The following NSMCE2 variants were observed in gnomAD, a reference collection of about 807,000 sequenced individuals.
NSMCE2 encodes the protein NSE2 SUMO ligase component of SMC5/6 complex.
In NSMCE2, 24 loss-of-function variants were observed where a neutral mutation model predicts 23.8. The observed-to-expected ratio is 1.01, with a 90% CI of 0.73 to 1.42. The LOEUF (loss-of-function observed/expected upper bound fraction) is 1.42. NSMCE2 is among the 40% of genes most tolerant of loss of function. The pLI, the probability that NSMCE2 is intolerant of heterozygous loss-of-function variation, is 0.00. For synonymous variants in NSMCE2, 92 were observed against 94.1 expected, an observed-to-expected ratio of 0.98 and a Z score of 0.13; for missense variants, 284 against 296.5, an observed-to-expected ratio of 0.96 and a Z score of 0.31.
intron 5 of NSMCE2, 115 bp downstream of exon 5, chr8:125,182,371 A>G: frequency 1.2e-6 from 1 of 832,932 alleles, no homozygotes; most frequent in Non-Finnish European, 2.0e-6. Flanking sequence ...CTTGATCCTC[A>G]TTCTAAGTTG....
intron 4 of NSMCE2, among the ~76,000 whole-genome samples, chr8:125,180,654 TG>T (rs1391037124): frequency 3.3e-5 from 5 of 152,260 alleles, no homozygotes; most frequent in African/African-American, 1.2e-4. Context: ...GCATTACCTC[TG>T]ACTAGTTGGA....
In NSMCE2 at chr8:125,214,454, C is replaced by T. The variant is rs562602165; in HGVS notation, c.418+32198C>T. On this transcript the variant is annotated intron_variant, in intron 5 of 7. Transcript: ENST00000287437. ...AAGGAGGCTGAGTCATGGGGGCTCACGGTCTCAACAAGGAAATGGGTCACT... is the reference window on the plus strand; with the variant it reads ...AAGGAGGCTGAGTCATGGGGGCTCATGGTCTCAACAAGGAAATGGGTCACT... Among the ~76,000 whole-genome samples the T allele has an allele frequency of 5.3e-5, 8 of 152,290 alleles. No homozygotes were observed. In the South Asian group the frequency reaches 1.5e-3, roughly 28 times the overall value.
At chr8:125,265,818 T>C (rs1826886775) in intron 5 of NSMCE2, among the ~76,000 whole-genome samples, 1 of 152,222 alleles carries the variant, frequency 6.6e-6, no homozygotes. Flanking sequence ...TCCTTAGTTG[T>C]TTTTTAAATT....
intron 5 of NSMCE2, among the ~76,000 whole-genome samples, chr8:125,293,069 C>A (rs139023185): frequency 0.012 from 1,818 of 152,354 alleles, 8 homozygotes; most frequent in Non-Finnish European, 0.017. Context: ...ATGACAGTAG[C>A]TGTGCCCCAG....
intron 5 of NSMCE2, among the ~76,000 whole-genome samples, chr8:125,338,638 T>A (rs1156803949): frequency 6.6e-6 from 1 of 152,194 alleles, no homozygotes; most frequent in African/African-American, 2.4e-5. Context: ...ACAGCTAACA[T>A]CATGCAAGAT....
At chr8:125,202,955 CCTTTT>C (rs1462238769) in intron 5 of NSMCE2, among the ~76,000 whole-genome samples, 1 of 152,126 alleles carries the variant, frequency 6.6e-6, no homozygotes, top group Non-Finnish European at 1.5e-5. Context: ...GTTTTGACAA[CCTTTT>C]CTTGATAGGA....
intron 3 of NSMCE2, among the ~76,000 whole-genome samples, chr8:125,112,947 G>T (rs1458598632): frequency 2.0e-5 from 3 of 150,942 alleles, no homozygotes; most frequent in African/African-American, 7.3e-5. Context: ...CTAGCTTGAT[G>T]TAGCCATTCC....
rs1172219929 is a variant in NSMCE2, at chr8:125,316,773, C to CCT, written c.419-40446_419-40445insCT. 1.4e-3 allele frequency among the ~76,000 whole-genome samples: 109 copies of CCT among 77,374 alleles called. 1 individual carries two copies. Among genetic ancestry groups the CCT allele is most frequent in the African/African-American group, 8.4e-3 (97 of 11,568 alleles). The allele number at this position is 77,374 out of a possible 152,430, so 50.8% of individuals were successfully genotyped here. Reference sequence around the variant, plus strand: ...CTTCCTTCCTTCCTTCCTTCCTTCTCTCTCTCTCTTTCTTTCTTTCTTTCT... The same window carrying CCT: ...CTTCCTTCCTTCCTTCCTTCCTTCTCCTTCTCTCTCTTTCTTTCTTTCTTTCT... On this transcript the variant is annotated intron_variant, in intron 5 of 7. Coordinates refer to ENST00000287437, the MANE Select transcript of NSMCE2 (RefSeq NM_173685.4).
intron 5 of NSMCE2, among the ~76,000 whole-genome samples, chr8:125,227,567 A>C (rs55760846): frequency 0.13 from 20,512 of 152,112 alleles, 2,239 homozygotes; most frequent in African/African-American, 0.3. Flanking sequence ...ACATCATCTT[A>C]ATTGCAAATG....
intron 5 of NSMCE2, among the ~76,000 whole-genome samples, chr8:125,300,885 G>T (rs759619049): frequency 6.6e-6 from 1 of 152,130 alleles, no homozygotes; most frequent in African/African-American, 2.4e-5. Context: ...ATGGATGGAA[G>T]AACATTCCAC....
chr8:125,276,173 G>A (rs1401728376), intron 5 of NSMCE2, among the ~76,000 whole-genome samples: 1 of 152,128 alleles, frequency 6.6e-6, no homozygotes, highest in Non-Finnish European at 1.5e-5. Flanking sequence ...CACTCACATA[G>A]CACCCCAGCC....
intron 5 of NSMCE2, among the ~76,000 whole-genome samples, chr8:125,313,491 A>AGCTCCAAATTTGT (rs917014968): frequency 1.3e-5 from 2 of 152,232 alleles, no homozygotes; most frequent in African/African-American, 4.8e-5. Context: ...ACCAGCTGTA[A>AGCTCCAAATTTGT]GCTCCAAATT....
chr8:125,134,124 A>T (rs528075151), intron 3 of NSMCE2, among the ~76,000 whole-genome samples: 5 of 152,198 alleles, frequency 3.3e-5, no homozygotes, highest in Non-Finnish European at 7.3e-5. Flanking sequence ...TGGTGAGGGG[A>T]TTATACATTA....
At chr8:125,110,337 TTTTC>T (rs2130420842) in intron 3 of NSMCE2, among the ~76,000 whole-genome samples, 1 of 152,356 alleles carries the variant, frequency 6.6e-6, no homozygotes, top group South Asian at 2.1e-4. Context: ...TATATATTGC[TTTTC>T]TTTCTGTGAT....
At chr8:125,109,856 G>A (rs1027965113) in intron 3 of NSMCE2, among the ~76,000 whole-genome samples, 1 of 152,024 alleles carries the variant, frequency 6.6e-6, no homozygotes, top group Non-Finnish European at 1.5e-5. Flanking sequence ...TAAATTTGTC[G>A]ATATTCTAGT....
At chr8:125,311,181 C>T (rs1162951237) in intron 5 of NSMCE2, among the ~76,000 whole-genome samples, 1 of 152,164 alleles carries the variant, frequency 6.6e-6, no homozygotes, top group Non-Finnish European at 1.5e-5. Flanking sequence ...TGTGCACACA[C>T]AACTAGAAGC....
chr8:125,141,609 C>G (rs772125918), intron 3 of NSMCE2, among the ~76,000 whole-genome samples: 1 of 152,160 alleles, frequency 6.6e-6, no homozygotes. Flanking sequence ...CTCAGTGCTC[C>G]GTGAAGATTT....
At chr8:125,216,354 G>T (rs558394296) in intron 5 of NSMCE2, among the ~76,000 whole-genome samples, 1 of 152,254 alleles carries the variant, frequency 6.6e-6, no homozygotes, top group South Asian at 2.1e-4. Context: ...CAAATGATCT[G>T]TGGGTCCGGG....
intron 5 of NSMCE2, among the ~76,000 whole-genome samples, chr8:125,355,404 G>T (rs778130899): frequency 6.6e-6 from 1 of 152,276 alleles, no homozygotes; most frequent in Middle Eastern, 3.4e-3. Context: ...TGTTTAGAAA[G>T]CTACTGATCT....
Sources: allele counts gnomAD v4.1 joint callset (sites outside exome capture counted in the v4.1 genomes callset), GRCh38; gene constraint gnomAD v4.1.1; transcripts MANE v1.5; gene names NCBI Gene and HGNC (gene_info 2026-07-23, HGNC 2026-07-21).